Variants in JAK2 observed in about 807,000 individuals in gnomAD.
The protein encoded by JAK2 is tyrosine-protein kinase JAK2.
In JAK2, 86 loss-of-function variants were observed where a neutral mutation model predicts 139.3. The ratio of observed to expected loss-of-function variants is 0.62; its 90% CI spans 0.52 to 0.74. The LOEUF is 0.74. Among genes scored for constraint, JAK2 ranks in the 30% least tolerant of loss-of-function variants. The pLI is 0.00. For missense variants in JAK2, 1,421 were observed against 1,360.3 expected (o/e 1.04, Z -0.70); for synonymous variants, 490 against 437.7 (o/e 1.12, Z -1.49).
chr9:4,994,836 G>C (rs894968184), intron 2 of JAK2, among the ~76,000 whole-genome samples: 1 of 152,028 alleles, frequency 6.6e-6, no homozygotes, highest in Admixed American at 6.5e-5. Flanking sequence ...AGAGTTGTCT[G>C]TATTTGTCTC....
chr9:5,104,491 G>C (rs982282945), intron 22 of JAK2, among the ~76,000 whole-genome samples: 3 of 152,188 alleles, frequency 2.0e-5, no homozygotes, highest in Admixed American at 1.3e-4. Flanking sequence ...ACAAAGAGGA[G>C]CTGATACCAT....
At chr9:5,057,328 C>G (rs1345251961) in intron 8 of JAK2, among the ~76,000 whole-genome samples, 3 of 151,836 alleles carry the variant, frequency 2.0e-5, no homozygotes, top group Non-Finnish European at 4.4e-5. Flanking sequence ...GTGTTAGTAA[C>G]ATTTTGTTTT....
chr9:5,116,909 C>T (rs1823237033), intron 22 of JAK2, among the ~76,000 whole-genome samples: 1 of 152,172 alleles, frequency 6.6e-6, no homozygotes, highest in Non-Finnish European at 1.5e-5. Context: ...ACTGGGAAAA[C>T]ATAACAGTAC....
At chr9:5,079,223 T>A (rs531558077) in intron 16 of JAK2, among the ~76,000 whole-genome samples, 1 of 152,308 alleles carries the variant, frequency 6.6e-6, no homozygotes, top group South Asian at 2.1e-4. Context: ...TCCTTTGGAA[T>A]CGGAAGTGAA....
chr9:5,085,693 C>T (rs1177509624), intron 19 of JAK2: 1 of 741,774 alleles, frequency 1.3e-6, no homozygotes, highest in Non-Finnish European at 2.5e-6. Context: ...ATAACGTCAT[C>T]GTGAACAAGA....
intron 16 of JAK2, 122 bp from the exon 17 acceptor site, chr9:5,080,107 C>T: frequency 1.4e-6 from 1 of 738,762 alleles, no homozygotes; most frequent in South Asian, 2.3e-5. Flanking sequence ...ACATCCAACC[C>T]CTCCAAAATA....
chr9:5,126,647 G>A (rs369491871), intron 24 of JAK2, 37 bp from the exon 25 acceptor site: 6 of 1,405,878 alleles, frequency 4.3e-6, no homozygotes, highest in Non-Finnish European at 6.0e-6. Context: ...ATGGCCCTTA[G>A]TGTTCATTTA....
Position 5,072,504 on chromosome 9 carries a change from G to T in JAK2, c.1654G>T (p.Gly552Cys). 6.3e-7 allele frequency: 1 copy of T among 1,581,084 alleles called. No individual in the cohort carries two copies. Among genetic ancestry groups the T allele is most frequent in the South Asian group, 1.2e-5 (1 of 85,042 alleles). Residue 552 changes from glycine to cysteine, a missense_variant, in exon 13 of 25, where the codon GGC becomes TGC. Physicochemically the swap from Gly to Cys is radical, Grantham distance 159. Coordinates refer to ENST00000381652, the MANE Select transcript of JAK2 (RefSeq NM_004972.4). The part of the protein sequence containing the change: ...NEDLIFNESL[G>C]QGTFTKIFKG... ...TTTTCTCTTGAAGAATGAAAGCCTT[G>T]GCCAAGGCACTTTTACAAAGATTTT...
At chr9:5,031,729 A>G (rs553379728) in intron 4 of JAK2, among the ~76,000 whole-genome samples, 1 of 152,336 alleles carries the variant, frequency 6.6e-6, no homozygotes, top group Admixed American at 6.5e-5. Flanking sequence ...AACTATAAAA[A>G]TTTTCAAATG....
chr9:5,093,799 A>T (rs1281194976), intron 22 of JAK2, among the ~76,000 whole-genome samples: 1 of 152,154 alleles, frequency 6.6e-6, no homozygotes, highest in African/African-American at 2.4e-5. Flanking sequence ...TTGGATCAGG[A>T]CATCCTAATG....
intron 22 of JAK2, among the ~76,000 whole-genome samples, chr9:5,103,412 T>G (rs1437344545): frequency 6.6e-6 from 1 of 151,628 alleles, no homozygotes; most frequent in Non-Finnish European, 1.5e-5. Context: ...AGCACCAAGA[T>G]TCATAAAGCA....
In JAK2 at chr9:5,110,935, G is replaced by A. The variant is rs189542959; in HGVS notation, c.3060-12069G>A. 268 of 580,636 alleles carry A rather than the reference G, an allele frequency of 4.6e-4. 2 individuals carry two copies. Among genetic ancestry groups the A allele is most frequent in the Non-Finnish European group, 7.2e-4 (221 of 307,398 alleles). 36.0% of individuals were successfully genotyped at this position (580,636 alleles called of 1,614,324 possible). A position where few individuals can be genotyped will look rare whatever the true frequency, so the allele number is the denominator to read the frequency against. The stretch of plus-strand genomic sequence containing the variant: ...GAGAATGAACCAGCCGCAGAGGATG[G>A]CATCCGTGGACACGGACAAGGAGCT... On this transcript the variant is annotated intron_variant, in intron 22 of 24. Transcript: ENST00000381652.
intron 22 of JAK2, among the ~76,000 whole-genome samples, chr9:5,120,284 G>A (rs920728387): frequency 2.0e-5 from 3 of 152,156 alleles, no homozygotes; most frequent in Admixed American, 1.3e-4. Context: ...CCCTCATGGC[G>A]TAATCATCTC....
At chr9:5,096,672 A>C (rs1465152082) in intron 22 of JAK2, 1 of 152,136 alleles carries the variant, frequency 6.6e-6, no homozygotes, top group Non-Finnish European at 1.5e-5. Flanking sequence ...ACTTATGTTC[A>C]TCAATTGTTG....
rs573266634 is a variant in JAK2 at position 5,077,036 on chromosome 9, T to C, written c.1865-417T>C. Among the ~76,000 whole-genome samples, 79 of 152,114 alleles carry C rather than the reference T, an allele frequency of 5.2e-4. 1 individual carries two copies. The Middle Eastern group carries it at 0.02, about 39-fold the overall frequency. ...ATGGAGCTAGAACTCAAATTCTCCT[T>C]TATGTCTATAGTACTATAGACAATT... On this transcript the variant is annotated intron_variant, in intron 14 of 24. Transcript: ENST00000381652.
chr9:5,034,465 C>A (rs1823419531), intron 4 of JAK2, among the ~76,000 whole-genome samples: 1 of 152,040 alleles, frequency 6.6e-6, no homozygotes, highest in Admixed American at 6.6e-5. Context: ...ACACCTATTC[C>A]AAAATTGACC....
chr9:5,103,443 G>C (rs1379862940), intron 22 of JAK2, among the ~76,000 whole-genome samples: 4 of 151,878 alleles, frequency 2.6e-5, no homozygotes, highest in African/African-American at 9.7e-5. Context: ...GACCTATAAA[G>C]AGACTTAGAC....
Position 5,085,383 on chromosome 9 carries a change from G to GT in JAK2, c.2571+3523dup, listed in dbSNP as rs1260146811. 4 of 896,694 alleles carry GT rather than the reference G, an allele frequency of 4.5e-6. No homozygotes were observed. The African/African-American group carries it at 6.6e-5, about 15-fold the overall frequency. The allele number at this position is 896,694 out of a possible 1,614,324, so 55.5% of individuals were successfully genotyped here. On this transcript the variant is annotated intron_variant, in intron 19 of 24. Coordinates refer to ENST00000381652, the MANE Select transcript of JAK2 (RefSeq NM_004972.4). The stretch of plus-strand genomic sequence containing the variant: ...GATAGGTGATCTCATGCACCACTGG[G>GT]TCGGGGCATCCTAGAACAGAGACTG...
At chr9:5,111,118 GA>G in intron 22 of JAK2, 1 of 1,203,640 alleles carries the variant, frequency 8.3e-7, no homozygotes, top group Non-Finnish European at 1.2e-6. Flanking sequence ...CTCCTCCTTT[GA>G]CCCCAGCTGG....
Sources: allele counts gnomAD v4.1 joint callset (sites outside exome capture counted in the v4.1 genomes callset), GRCh38; gene constraint gnomAD v4.1.1; transcripts MANE v1.5; gene names NCBI Gene and HGNC (gene_info 2026-07-23, HGNC 2026-07-21).